CES2: variants seen among roughly 807,000 people sequenced by gnomAD.
CES2 encodes cocaine esterase.
In CES2, 42 loss-of-function variants were observed where a neutral mutation model predicts 52.1. The observed-to-expected ratio is 0.81, with a 90% CI of 0.63 to 1.04. CES2 has a LOEUF of 1.04. Among genes scored for constraint, CES2 ranks in the 50% least tolerant of loss-of-function variants. CES2 has a pLI of 0.00. For synonymous variants in CES2, 277 were observed against 289.6 expected (o/e 0.96, Z 0.44); for missense variants, 656 against 724.3 (o/e 0.91, Z 1.08).
chr16:66,942,992 C>G (rs1380013858), intron 10 of CES2, among the ~76,000 whole-genome samples: 2 of 152,194 alleles, frequency 1.3e-5, no homozygotes, highest in East Asian at 3.9e-4. Flanking sequence ...TCTGCCTCTC[C>G]CCAGCCATGG....
At chr16:66,939,900 T>C (rs1330996113) in intron 3 of CES2, among the ~76,000 whole-genome samples, 1 of 152,238 alleles carries the variant, frequency 6.6e-6, no homozygotes, top group Non-Finnish European at 1.5e-5. Flanking sequence ...AAACGGGGTC[T>C]CACTATGTGG....
Position 66,940,228 on chromosome 16 carries a change from G to C in CES2, c.430G>C (p.Val144Leu). The change falls in exon 4 of 12, where the codon GTG (valine) becomes CTG (leucine). Residue 144 changes from valine to leucine, a missense_variant. By Grantham distance (32) the Val-to-Leu change is conservative. Transcript: ENST00000317091. ...SHEGSNLPVM[V>L]WIHGGALVFG... is the part of the protein sequence containing the mutation. ...GCTGCCTTGATTTCCCCAGGTGATG[G>C]TGTGGATCCACGGTGGTGCGCTTGT... 1 of 1,614,012 alleles carries C rather than the reference G, an allele frequency of 6.2e-7. No individual in the cohort carries two copies. Among genetic ancestry groups the C allele is most frequent in the African/African-American group, 1.3e-5 (1 of 75,010 alleles).
rs1654753628 is a variant in CES2, at chr16:66,941,150, C to T, written c.843C>T (p.Asp281=). The change falls in exon 6 of 12, where the codon GAC becomes GAT. Residue 281 remains aspartate, a synonymous_variant. Transcript: ENST00000317091. The stretch of plus-strand genomic sequence containing the variant: ...TGGTGGCCAACCTGTCTGCCTGTGA[C>T]CAAGTTGACTCTGAGGCCCTGGTGG... ...STVVANLSAC[D]QVDSEALVGC... 2.5e-6 allele frequency: 4 copies of T among 1,614,044 alleles called. No homozygotes were observed. In the African/African-American group the frequency reaches 5.3e-5, roughly 22 times the overall value.
upstream of CES2, chr16:66,935,241 C>A (rs1963170148): frequency 1.8e-6 from 1 of 555,652 alleles, no homozygotes; most frequent in Non-Finnish European, 3.2e-6. Context: ...CCTGGGGTCT[C>A]CAATTCTAGT....
Position 66,943,870 on chromosome 16 carries a change from C to T in CES2, c.1525C>T (p.Pro509Ser). The change falls in exon 12 of 12, where the codon CCG becomes TCG. Residue 509 changes from proline to serine, a missense_variant. Physicochemically the swap from Pro to Ser is moderately conservative, Grantham distance 74. Coordinates refer to ENST00000317091, the MANE Select transcript of CES2 (RefSeq NM_001365405.1). This position sits in a 1 kb window ranked among gnomAD's most constrained non-coding sequence, Gnocchi z 4.2. The stretch of plus-strand genomic sequence containing the variant: ...CAATGGCGAGGGTCTGCCACACTGG[C>T]CGCTGTTCGACCAGGAGGAGCAATA... The part of the protein sequence containing the change: ...NPNGEGLPHW[P>S]LFDQEEQYLQ... The T allele has an allele frequency of 1.1e-5, 17 of 1,605,224 alleles. No individual in the cohort carries two copies. The highest frequency in any genetic ancestry group is 1.4e-5 in the Non-Finnish European group (17 of 1,173,756).
intron 3 of CES2, 98 bp downstream of exon 3, chr16:66,939,456 C>A (rs767956806): frequency 3.8e-6 from 5 of 1,309,540 alleles, no homozygotes; most frequent in Admixed American, 1.8e-5. Flanking sequence ...TCAGAGTGGA[C>A]CATGCTGAGA....
intron 3 of CES2, among the ~76,000 whole-genome samples, chr16:66,939,927 T>G (rs1163457436): frequency 6.6e-6 from 1 of 152,190 alleles, no homozygotes; most frequent in African/African-American, 2.4e-5. Flanking sequence ...CTAAGGACAT[T>G]TTTGGTTAAT....
chr16:66,936,009 T>C, intron 1 of CES2: 3 of 1,351,244 alleles, frequency 2.2e-6, no homozygotes, highest in Non-Finnish European at 2.9e-6. Context: ...GGGTGAGGGA[T>C]TGGGGTGTGG....
Position 66,939,359 on chromosome 16 carries a change from G to A in CES2, c.423+1G>A. 3 of 1,614,002 alleles carry A rather than the reference G, an allele frequency of 1.9e-6. No homozygotes were observed. Among genetic ancestry groups the A allele is most frequent in the Non-Finnish European group, 1.7e-6 (2 of 1,179,976 alleles). ...TAGCCATGAAGGCTCTAACCTGCCG[G>A]TGGGTGTCAGGCCACAGTTCACTGG... On this transcript the variant is annotated splice_donor_variant, in intron 3 of 11. Coordinates refer to ENST00000317091, the MANE Select transcript of CES2 (RefSeq NM_001365405.1). LOFTEE classifies it high-confidence loss of function.
In CES2 at chr16:66,943,697, T is replaced by C; in HGVS notation, c.1494-142T>C. ...TAGCCAGAGGGAGCTTATTTCCTGT[T>C]TCTGGAAGCCTCCCCACTCATTCCC... On this transcript the variant is annotated intron_variant, in intron 11 of 11. Coordinates refer to ENST00000317091, the MANE Select transcript of CES2 (RefSeq NM_001365405.1). This position sits in a 1 kb window ranked among gnomAD's most constrained non-coding sequence, Gnocchi z 4.2. The C allele has an allele frequency of 1.5e-6, 1 of 657,444 alleles. No homozygotes were observed. The highest frequency in any genetic ancestry group is 2.6e-6 in the Non-Finnish European group (1 of 387,496). 40.7% of individuals were successfully genotyped at this position (657,444 alleles called of 1,614,324 possible).
In CES2 at chr16:66,942,639, A is replaced by T. The variant is rs1221673388; in HGVS notation, c.1283-9A>T. 6.2e-7 allele frequency: 1 copy of T among 1,613,928 alleles called. No individual in the cohort carries two copies. ...GGGGCCACCGTGTCATGGGCTGTCC[A>T]CCCCACAGGTTCCCGGGCCCCTGTG... On this transcript the variant is annotated splice_polypyrimidine_tract_variant and intron_variant, in intron 9 of 11. Transcript: ENST00000317091.
intron 6 of CES2, 136 bp from the exon 7 acceptor site, chr16:66,941,370 T>C (rs1425256737): frequency 7.3e-6 from 11 of 1,516,020 alleles, no homozygotes; most frequent in African/African-American, 1.4e-5. Context: ...GGTCGGTGCA[T>C]GCTGAGCCAA....
intron 3 of CES2, 52 bp downstream of exon 3, chr16:66,939,410 G>A: frequency 1.9e-6 from 3 of 1,599,636 alleles, no homozygotes; most frequent in Non-Finnish European, 2.6e-6. Context: ...TCTTCTGCAA[G>A]AAGCTGAAAA....
Position 66,943,380 on chromosome 16 carries a change from G to A in CES2, c.1493+9G>A, listed in dbSNP as rs762150346. 5 of 1,613,966 alleles carry A rather than the reference G, an allele frequency of 3.1e-6. No individual in the cohort carries two copies. The highest frequency in any genetic ancestry group is 4.2e-6 in the Non-Finnish European group (5 of 1,179,898). On this transcript the variant is annotated intron_variant, in intron 11 of 11. Coordinates refer to ENST00000317091, the MANE Select transcript of CES2 (RefSeq NM_001365405.1). This position sits in a 1 kb window ranked among gnomAD's most constrained non-coding sequence, Gnocchi z 4.2. ...AACTTTGCGAGAAATGGGTGAGACA[G>A]CACACCCCTGCCTCAACCTCCCCGA...
rs1160600255 is a variant in CES2 at position 66,940,677 on chromosome 16, A to C, written c.798A>C (p.Ser266=). ...VALLPGLIAS[S]ADVISTVVAN... Reference sequence around the variant, plus strand: ...TCCTGCCCGGCCTCATTGCCAGCTCAGCTGATGTCATCTCCACGGTGAGTG... The same window carrying C: ...TCCTGCCCGGCCTCATTGCCAGCTCCGCTGATGTCATCTCCACGGTGAGTG... The change falls in exon 5 of 12, where the codon TCA becomes TCC. Residue 266 remains serine, a synonymous_variant. Coordinates refer to ENST00000317091, the MANE Select transcript of CES2 (RefSeq NM_001365405.1). The C allele has an allele frequency of 6.2e-7, 1 of 1,614,132 alleles. No homozygotes were observed. The highest frequency in any genetic ancestry group is 8.5e-7 in the Non-Finnish European group (1 of 1,180,020).
In CES2 at chr16:66,940,561, T is replaced by C. The variant is rs769964375; in HGVS notation, c.682T>C (p.Ser228Pro). Residue 228 changes from serine to proline, a missense_variant, in exon 5 of 12, where the codon TCT becomes CCT. Transcript: ENST00000317091. ...NPDRVTIFGE[S>P]AGGTSVSSLV... is the part of the protein sequence containing the mutation. ...TGACCGTGTCACCATTTTTGGCGAG[T>C]CTGCGGGTGGCACGAGTGTGTCTTC... The C allele has an allele frequency of 1.2e-6, 2 of 1,614,180 alleles. No individual in the cohort carries two copies. Among genetic ancestry groups the C allele is most frequent in the African/African-American group, 1.3e-5 (1 of 75,032 alleles).
intron 1 of CES2, chr16:66,935,982 C>A (rs1413025926): frequency 7.2e-7 from 1 of 1,391,788 alleles, no homozygotes; most frequent in Admixed American, 3.0e-5. Context: ...GCCGGGTAGG[C>A]AGCCTGGGGT....
chr16:66,943,946 G>C lies in CES2; in HGVS notation c.1601G>C (p.Arg534Thr), dbSNP rs969690792. ...GTGGGCCGGGCTCTGAAGGCCCACA[G>C]GCTCCAGTTCTGGAAGAAGGCGCTG... Reference protein sequence around the residue: ...PAVGRALKAHRLQFWKKALPQ... With the variant: ...PAVGRALKAHTLQFWKKALPQ... Residue 534 changes from arginine to threonine, a missense_variant, in exon 12 of 12, where the codon AGG becomes ACG. Coordinates refer to ENST00000317091, the MANE Select transcript of CES2 (RefSeq NM_001365405.1). The surrounding 1 kb of genome is among the most constrained non-coding windows in gnomAD (Gnocchi z 4.2). The C allele has an allele frequency of 6.2e-7, 1 of 1,609,422 alleles. No homozygotes were observed.
Position 66,943,818 on chromosome 16 carries a change from G to T in CES2, c.1494-21G>T. 1.3e-6 allele frequency: 2 copies of T among 1,572,262 alleles called. No individual in the cohort carries two copies. Among genetic ancestry groups the T allele is most frequent in the South Asian group, 1.2e-5 (1 of 86,304 alleles). On this transcript the variant is annotated intron_variant, in intron 11 of 11. Coordinates refer to ENST00000317091, the MANE Select transcript of CES2 (RefSeq NM_001365405.1). The surrounding 1 kb of genome is among the most constrained non-coding windows in gnomAD (Gnocchi z 4.2). ...CCCAGAGTGACCCTCATACTGCCCTGCTGGGATGGCATGTCTACAGGAACC... is the reference window on the plus strand; with the variant it reads ...CCCAGAGTGACCCTCATACTGCCCTTCTGGGATGGCATGTCTACAGGAACC...
Sources: gnomAD v4.1 joint callset for allele counts (sites outside exome capture counted in the v4.1 genomes callset) on GRCh38, gnomAD v4.1.1 for gene constraint, Gnocchi (gnomAD v3.1) non-coding constraint, MANE v1.5 for transcripts, NCBI Gene and HGNC (gene_info 2026-07-23, HGNC 2026-07-21) for gene names.